The following SEC24B variants were observed in gnomAD, a reference collection of about 807,000 sequenced individuals.
SEC24B encodes the protein SEC24 homolog B, COPII component, also known as protein transport protein Sec24B.
In SEC24B, 45 loss-of-function variants were observed where a neutral mutation model predicts 142.8. The ratio of observed to expected loss-of-function variants is 0.32; its 90% confidence interval spans 0.25 to 0.40. The LOEUF (loss-of-function observed/expected upper bound fraction) is 0.40. SEC24B is among the 10% of genes least tolerant of loss of function. SEC24B has a pLI of 1.00. For missense variants in SEC24B, 1,409 were observed against 1,526.8 expected (o/e 0.92, Z 1.29); for synonymous variants, 574 against 568.2 (o/e 1.01, Z -0.15).
intron 1 of SEC24B, among the ~76,000 whole-genome samples, chr4:109,456,826 C>A (rs1730741020): frequency 6.6e-6 from 1 of 152,174 alleles, no homozygotes; most frequent in South Asian, 2.1e-4. Flanking sequence ...GAGCTCACAG[C>A]TAAGTTAAAC....
chr4:109,491,878 T>C (rs1027703901), intron 5 of SEC24B, among the ~76,000 whole-genome samples: 6 of 152,108 alleles, frequency 3.9e-5, no homozygotes, highest in Non-Finnish European at 8.8e-5. Context: ...TTTAACCATA[T>C]CTGGAAATCA....
At chr4:109,499,340 G>A (rs988924616) in intron 6 of SEC24B, among the ~76,000 whole-genome samples, 3 of 151,954 alleles carry the variant, frequency 2.0e-5, no homozygotes, top group Middle Eastern at 3.2e-3. Context: ...TCCCATTTGC[G>A]GGGCATAACT....
At chr4:109,522,273 A>C (rs983264054) in intron 14 of SEC24B, among the ~76,000 whole-genome samples, 1 of 145,620 alleles carries the variant, frequency 6.9e-6, no homozygotes, top group African/African-American at 2.6e-5. Context: ...GGATGGTCTC[A>C]ATCTGCTGAC....
chr4:109,536,751 G>C (rs1053165521), intron 22 of SEC24B, among the ~76,000 whole-genome samples: 2 of 151,710 alleles, frequency 1.3e-5, no homozygotes, highest in African/African-American at 4.8e-5. Context: ...GGATGGTCTC[G>C]ATCTCCTGAC....
At chr4:109,499,452 A>G (rs1247642786) in intron 6 of SEC24B, among the ~76,000 whole-genome samples, 6 of 152,158 alleles carry the variant, frequency 3.9e-5, no homozygotes, top group Admixed American at 3.9e-4. Flanking sequence ...AACTTGGGCA[A>G]TATAGCAAGA....
chr4:109,454,048 G>A (rs1730414868), intron 1 of SEC24B, among the ~76,000 whole-genome samples: 1 of 152,106 alleles, frequency 6.6e-6, no homozygotes, highest in Non-Finnish European at 1.5e-5. Flanking sequence ...AGTAGAGACA[G>A]GGTTTCTCCA....
At chr4:109,531,608 A>T in intron 20 of SEC24B, 86 bp downstream of exon 20, 4 of 1,015,682 alleles carry the variant, frequency 3.9e-6, no homozygotes, top group Non-Finnish European at 4.3e-6. Flanking sequence ...TATACTATCA[A>T]CTGGTTTTTC....
At chr4:109,482,975 T>TACACACACACACACACACACAC (rs1213872850) in intron 4 of SEC24B, among the ~76,000 whole-genome samples, 1 of 54,976 alleles carries the variant, frequency 1.8e-5, no homozygotes, top group African/African-American at 9.3e-5. Context: ...TATATATATA[T>TACACACACACACACACACACAC]ATATACACAC....
At chr4:109,476,750 C>A (rs1733191684) in intron 3 of SEC24B, among the ~76,000 whole-genome samples, 1 of 142,546 alleles carries the variant, frequency 7.0e-6, no homozygotes, top group Non-Finnish European at 1.5e-5. Context: ...ATCTGTCTTA[C>A]TTTCTCATCA....
At chr4:109,521,274 A>G in intron 13 of SEC24B, 102 bp downstream of exon 13, 2 of 969,130 alleles carry the variant, frequency 2.1e-6, no homozygotes, top group East Asian at 2.6e-5. Context: ...ATTACAAATA[A>G]TAGACAATAT....
chr4:109,534,350 G>T (rs182972826), intron 22 of SEC24B, among the ~76,000 whole-genome samples: 204 of 152,136 alleles, frequency 1.3e-3, no homozygotes, highest in African/African-American at 4.8e-3. Flanking sequence ...ACTTAAGGAG[G>T]CAGAGGCAGG....
At chr4:109,454,529 T>G (rs1578783689) in intron 1 of SEC24B, among the ~76,000 whole-genome samples, 2 of 147,756 alleles carry the variant, frequency 1.4e-5, no homozygotes, top group East Asian at 3.9e-4. Context: ...CAGAGCAAGA[T>G]TCTGTCTCCA....
At chr4:109,444,384 A>G (rs1034546714) in intron 1 of SEC24B, among the ~76,000 whole-genome samples, 4 of 151,994 alleles carry the variant, frequency 2.6e-5, no homozygotes, top group Non-Finnish European at 5.9e-5. Flanking sequence ...GTAATGAATT[A>G]GAGGGAAGTG....
intron 6 of SEC24B, among the ~76,000 whole-genome samples, chr4:109,498,755 A>G (rs1445343644): frequency 6.6e-6 from 1 of 152,154 alleles, no homozygotes; most frequent in Admixed American, 6.6e-5. Context: ...ATGCCTTTAA[A>G]TGTTGTACCT....
chr4:109,510,266 A>C (rs1737177108), intron 8 of SEC24B, among the ~76,000 whole-genome samples, 155 bp downstream of exon 8: 1 of 152,210 alleles, frequency 6.6e-6, no homozygotes, highest in African/African-American at 2.4e-5. Flanking sequence ...TTTTTTGAAC[A>C]CCTGCTTTGT....
chr4:109,463,412 T>C lies in SEC24B; in HGVS notation c.645T>C (p.Asn215=). The C allele has an allele frequency of 6.2e-7, 1 of 1,614,222 alleles. No individual in the cohort carries two copies. ...ATGGGCAAATGTTTACCTCACAGAATGCTCCGACTGTTAGGCCAGTTAAAG... is the reference window on the plus strand; with the variant it reads ...ATGGGCAAATGTTTACCTCACAGAACGCTCCGACTGTTAGGCCAGTTAAAG... ...DTYGQMFTSQ[N]APTVRPVKDN... The change falls in exon 2 of 24, where the codon AAT becomes AAC. Residue 215 remains asparagine, a synonymous_variant. Transcript: ENST00000265175.
intron 1 of SEC24B, among the ~76,000 whole-genome samples, chr4:109,455,214 A>G (rs937394475): frequency 6.7e-6 from 1 of 150,238 alleles, no homozygotes; most frequent in African/African-American, 2.4e-5. Flanking sequence ...AAAAATCCAT[A>G]TTTTCTCTTA....
At chr4:109,455,352 C>T (rs1361265956) in intron 1 of SEC24B, among the ~76,000 whole-genome samples, 2 of 151,876 alleles carry the variant, frequency 1.3e-5, no homozygotes, top group East Asian at 1.9e-4. Context: ...CAGGTTCAAG[C>T]GAGTCTCCTG....
intron 4 of SEC24B, among the ~76,000 whole-genome samples, chr4:109,489,549 C>T (rs1465295122): frequency 7.0e-6 from 1 of 142,506 alleles, no homozygotes; most frequent in Non-Finnish European, 1.5e-5. Context: ...ATCCTACACT[C>T]AGTCACTCCC....
Sources: allele counts gnomAD v4.1 joint callset (sites outside exome capture counted in the v4.1 genomes callset), GRCh38; gene constraint gnomAD v4.1.1; transcripts MANE v1.5; gene names NCBI Gene and HGNC (gene_info 2026-07-23, HGNC 2026-07-21).